JAZF1: variants seen among roughly 807,000 people sequenced by gnomAD.
JAZF1 encodes the protein juxtaposed with another zinc finger protein 1.
In JAZF1, 8 loss-of-function variants were observed where a neutral mutation model predicts 26.4. The ratio of observed to expected loss-of-function variants is 0.30; its 90% CI spans 0.18 to 0.55. JAZF1 has a LOEUF of 0.55. JAZF1 is among the 20% of genes least tolerant of loss of function. The pLI, the probability that JAZF1 is intolerant of heterozygous loss-of-function variation, is 0.94. For synonymous variants in JAZF1, 126 were observed against 122.3 expected, an observed-to-expected ratio of 1.03 and a Z score of -0.20; for missense variants, 199 against 322.0, an observed-to-expected ratio of 0.62 and a Z score of 2.92.
intron 3 of JAZF1, among the ~76,000 whole-genome samples, chr7:27,876,713 C>T (rs1296470610): frequency 7.2e-5 from 11 of 152,148 alleles, no homozygotes; most frequent in African/African-American, 2.7e-4. Flanking sequence ...GGATAGCAGA[C>T]TAGGTATAAA....
At chr7:27,993,900 T>C (rs118186994) in intron 1 of JAZF1, among the ~76,000 whole-genome samples, 1,780 of 152,274 alleles carry the variant, frequency 0.012, 16 homozygotes, top group Non-Finnish European at 0.017. Flanking sequence ...CTAAAATTTG[T>C]GTGTAAAGGG....
intron 2 of JAZF1, among the ~76,000 whole-genome samples, chr7:27,990,360 C>T (rs1002960648): frequency 2.0e-5 from 3 of 151,850 alleles, no homozygotes; most frequent in African/African-American, 4.8e-5. Context: ...GTGCAGCACA[C>T]CAACATGGCA....
At chr7:27,986,996 G>A (rs577205386) in intron 2 of JAZF1, among the ~76,000 whole-genome samples, 130 of 151,938 alleles carry the variant, frequency 8.6e-4, no homozygotes, top group South Asian at 2.5e-3. Flanking sequence ...GCGTGATCTC[G>A]GCTCGCTACA....
At chr7:27,922,580 C>A (rs1156847663) in intron 2 of JAZF1, among the ~76,000 whole-genome samples, 1 of 152,094 alleles carries the variant, frequency 6.6e-6, no homozygotes, top group Non-Finnish European at 1.5e-5. Context: ...AGCAAAATAA[C>A]CAAATAACTT....
At chr7:27,905,024 C>G (rs1480176260) in intron 2 of JAZF1, among the ~76,000 whole-genome samples, 1 of 152,206 alleles carries the variant, frequency 6.6e-6, no homozygotes, top group Non-Finnish European at 1.5e-5. Flanking sequence ...GCCTTGACCT[C>G]CTGGGCTCAA....
At chr7:27,985,976 G>A (rs575100252) in intron 2 of JAZF1, among the ~76,000 whole-genome samples, 4 of 152,234 alleles carry the variant, frequency 2.6e-5, no homozygotes, top group South Asian at 4.1e-4. Flanking sequence ...AATAATAAGA[G>A]CTATTTATGA....
At chr7:27,989,951 T>C (rs1208854827) in intron 2 of JAZF1, among the ~76,000 whole-genome samples, 4 of 152,000 alleles carry the variant, frequency 2.6e-5, no homozygotes, top group Non-Finnish European at 5.9e-5. Context: ...CCCAAAGGTT[T>C]ATAAATCATG....
chr7:28,072,832 T>C (rs759560128), intron 1 of JAZF1, among the ~76,000 whole-genome samples: 13 of 152,226 alleles, frequency 8.5e-5, no homozygotes, highest in East Asian at 1.9e-4. Flanking sequence ...TTTTAGAAAA[T>C]AGTTTATATA....
chr7:28,000,627 T>TTC (rs1562554904), intron 1 of JAZF1, among the ~76,000 whole-genome samples: 63 of 143,768 alleles, frequency 4.4e-4, no homozygotes, highest in African/African-American at 1.6e-3. Context: ...TCTTTCTTTT[T>TTC]TTTTTTTTTT....
intron 1 of JAZF1, among the ~76,000 whole-genome samples, chr7:28,168,337 C>T (rs896439815): frequency 2.1e-5 from 3 of 142,588 alleles, no homozygotes; most frequent in Admixed American, 1.5e-4. Flanking sequence ...AGCTGCGACG[C>T]GCCATTGCAC....
At chr7:28,002,640 G>T (rs1409655346) in intron 1 of JAZF1, among the ~76,000 whole-genome samples, 1 of 152,064 alleles carries the variant, frequency 6.6e-6, no homozygotes, top group Non-Finnish European at 1.5e-5. Context: ...GCATTGTTCT[G>T]GATTATTTCC....
In JAZF1 at chr7:27,981,792, A is replaced by G. The variant is rs182286662; in HGVS notation, c.188+10117T>C. On this transcript the variant is annotated intron_variant, in intron 2 of 4. Transcript: ENST00000283928. Reference sequence around the variant, plus strand: ...TTTCTCCGAGATGACTTATCCAAGAAATTTCACACCCACTGATCATGCCCT... The same window carrying G: ...TTTCTCCGAGATGACTTATCCAAGAGATTTCACACCCACTGATCATGCCCT... Among the ~76,000 whole-genome samples, 11 of 152,280 alleles carry G rather than the reference A, an allele frequency of 7.2e-5. No homozygotes were observed. In the East Asian group the frequency reaches 2.1e-3, roughly 29 times the overall value.
chr7:28,094,866 C>T (rs1784358626), intron 1 of JAZF1, among the ~76,000 whole-genome samples: 1 of 152,164 alleles, frequency 6.6e-6, no homozygotes, highest in Non-Finnish European at 1.5e-5. Flanking sequence ...CTCTTTCCTC[C>T]ACTGCCCTCA....
intron 2 of JAZF1, among the ~76,000 whole-genome samples, chr7:27,949,166 A>G (rs1298686263): frequency 6.6e-6 from 1 of 152,210 alleles, no homozygotes; most frequent in Non-Finnish European, 1.5e-5. Flanking sequence ...AATAATACTG[A>G]CATCTGGATT....
intron 2 of JAZF1, among the ~76,000 whole-genome samples, chr7:27,953,388 G>C (rs1271838514): frequency 6.6e-6 from 1 of 152,184 alleles, no homozygotes; most frequent in Non-Finnish European, 1.5e-5. Context: ...GTATAAAAAG[G>C]ATTTACAAAC....
In JAZF1 at chr7:27,832,092, C is replaced by T. The variant is rs1370128678; in HGVS notation, c.*708G>A. ...AATGTGTGTTAAATGAATGAACGAA[C>T]TGAATAGACTATTTTGTACAAAATG... On this transcript the variant is annotated 3_prime_UTR_variant, in exon 5 of 5. Coordinates refer to ENST00000283928, the MANE Select transcript of JAZF1 (RefSeq NM_175061.4). 4.7e-6 allele frequency: 1 copy of T among 212,650 alleles called. No homozygotes were observed. Among genetic ancestry groups the T allele is most frequent in the Non-Finnish European group, 9.5e-6 (1 of 104,952 alleles). The allele number at this position is 212,650 out of a possible 1,614,324, so 13.2% of individuals were successfully genotyped here.
intron 3 of JAZF1, among the ~76,000 whole-genome samples, chr7:27,872,322 A>G (rs1240692815): frequency 6.6e-6 from 1 of 152,238 alleles, no homozygotes; most frequent in Non-Finnish European, 1.5e-5. Flanking sequence ...ATTAAGCTGC[A>G]ATGTTTTACA....
intron 2 of JAZF1, among the ~76,000 whole-genome samples, chr7:27,963,559 C>CT: frequency 1.2e-5 from 1 of 81,768 alleles, no homozygotes; most frequent in South Asian, 4.6e-4. Context: ...GTTTGCAATT[C>CT]CCCCCCCCCC....
chr7:28,171,068 T>C (rs73091233), intron 1 of JAZF1, among the ~76,000 whole-genome samples: 5,473 of 152,334 alleles, frequency 0.036, 137 homozygotes, highest in Middle Eastern at 0.065. Flanking sequence ...GCTGCCCAAG[T>C]TTGAAAAGCT....
Sources: allele counts gnomAD v4.1 joint callset (sites outside exome capture counted in the v4.1 genomes callset), GRCh38; gene constraint gnomAD v4.1.1; transcripts MANE v1.5; gene names NCBI Gene and HGNC (gene_info 2026-07-23, HGNC 2026-07-21).